JAG2: variants seen among roughly 807,000 people sequenced by gnomAD.
The protein encoded by JAG2 is protein jagged-2.
JAG2 carries 46 observed loss-of-function variants against 141.7 expected under a neutral mutation model. The ratio of observed to expected loss-of-function variants is 0.32; its 90% confidence interval spans 0.26 to 0.42. JAG2 has a LOEUF of 0.42. Among genes scored for constraint, JAG2 ranks in the 10% least tolerant of loss-of-function variants. JAG2 has a pLI of 1.00. For synonymous variants in JAG2, 862 were observed against 763.5 expected, an observed-to-expected ratio of 1.13 and a Z score of -2.13; for missense variants, 1,500 against 1,817.5, an observed-to-expected ratio of 0.83 and a Z score of 3.18.
chr14:105,155,415 G>C (rs1318427415), intron 5 of JAG2, 147 bp downstream of exon 5: 2 of 868,650 alleles, frequency 2.3e-6, no homozygotes, highest in African/African-American at 3.3e-5. Context: ...GCACTAAGGA[G>C]CCTCCCGAGC....
intron 15 of JAG2, 28 bp from the exon 16 acceptor site, chr14:105,148,467 C>A (rs200852971): frequency 2.1e-6 from 3 of 1,403,920 alleles, no homozygotes; most frequent in South Asian, 2.4e-5. Context: ...GGTCAGCGGG[C>A]GGGGGGTCAC....
At chr14:105,158,728 G>A (rs587757896) in intron 2 of JAG2, among the ~76,000 whole-genome samples, 1 of 152,078 alleles carries the variant, frequency 6.6e-6, no homozygotes, top group Non-Finnish European at 1.5e-5. Flanking sequence ...TGACCCCTGA[G>A]CCCAGCCCTG....
intron 2 of JAG2, among the ~76,000 whole-genome samples, chr14:105,161,247 G>A (rs1888739294): frequency 6.6e-6 from 1 of 152,024 alleles, no homozygotes; most frequent in Non-Finnish European, 1.5e-5. Context: ...TGAGGACTGG[G>A]ACCCACCAGG....
rs1888290873 is a variant in JAG2, at chr14:105,148,194, C to T, written c.2170G>A (p.Gly724Ser). 5 of 1,554,798 alleles carry T rather than the reference C, an allele frequency of 3.2e-6. No homozygotes were observed. The highest frequency in any genetic ancestry group is 1.9e-5 in the Admixed American group (1 of 51,442). Residue 724 changes from glycine to serine, a missense_variant, in exon 17 of 26, where the codon GGT (glycine) becomes AGT (serine). Gly to Ser is a moderately conservative substitution (Grantham distance 56). Coordinates refer to ENST00000331782, the MANE Select transcript of JAG2 (RefSeq NM_002226.5). Reference protein sequence around the residue: ...FQCDAYTCSNGGTCYDSGDTF... With the variant: ...FQCDAYTCSNSGTCYDSGDTF... ...TCGCCGCTGTCGTAGCAGGTGCCAC[C>T]GTTGCTGCAGGTGTAGGCATCGCAC...
intron 8 of JAG2, 51 bp downstream of exon 8, chr14:105,151,575 G>C (rs1380711959): frequency 1.4e-6 from 2 of 1,474,050 alleles, no homozygotes; most frequent in Non-Finnish European, 1.9e-6. Context: ...CCCACTCCCA[G>C]ACCCCCACTG....
At chr14:105,143,414 C>A (rs1736218740) in intron 25 of JAG2, 68 bp downstream of exon 25, 1 of 1,512,830 alleles carries the variant, frequency 6.6e-7, no homozygotes, top group Admixed American at 2.0e-5. Context: ...GCAGGATCGG[C>A]CGGCTCTGTG....
Position 105,167,747 on chromosome 14 carries a change from G to A in JAG2, c.417+10C>T. ...GAAGGGCTGGAGCACGAGGGATGGA[G>A]CGCACGTACCGGCCAGGCGAACTGG... On this transcript the variant is annotated intron_variant, in intron 2 of 25. Coordinates refer to ENST00000331782, the MANE Select transcript of JAG2 (RefSeq NM_002226.5). This position sits in a 1 kb window ranked among gnomAD's most constrained non-coding sequence, Gnocchi z 4.8. The A allele has an allele frequency of 6.9e-7, 1 of 1,454,068 alleles. No homozygotes were observed. The highest frequency in any genetic ancestry group is 9.0e-7 in the Non-Finnish European group (1 of 1,105,078). The allele number at this position is 1,454,068 out of a possible 1,614,324, so 90.1% of individuals were successfully genotyped here.
chr14:105,164,839 T>C (rs1888862472), intron 2 of JAG2, among the ~76,000 whole-genome samples: 2 of 152,148 alleles, frequency 1.3e-5, no homozygotes, highest in South Asian at 4.1e-4. Context: ...AAAGCGGCAG[T>C]GTGCCCCTTT....
At chr14:105,147,279 C>A (rs1051849463) in intron 20 of JAG2, 47 bp downstream of exon 20, 1 of 1,458,126 alleles carries the variant, frequency 6.9e-7, no homozygotes, top group South Asian at 1.2e-5. Flanking sequence ...CCTGACACCG[C>A]GGCTGGGCTG....
rs1888439774 is a variant in JAG2, at chr14:105,151,755, G to A, written c.1040-16C>T. ...GCGTGCTCAGCTGTAGAACCGCGGG[G>A]AGGGGGCAGAGCTGGCAGCCAGGCC... On this transcript the variant is annotated splice_polypyrimidine_tract_variant and intron_variant, in intron 7 of 25. Transcript: ENST00000331782. 8 of 1,604,418 alleles carry A rather than the reference G, an allele frequency of 5.0e-6. No individual in the cohort carries two copies.
chr14:105,163,906 G>A (rs1422167985), intron 2 of JAG2, among the ~76,000 whole-genome samples: 3 of 152,204 alleles, frequency 2.0e-5, no homozygotes, highest in East Asian at 3.9e-4. Context: ...CTGTGGCTGG[G>A]GCCTGGGATT....
chr14:105,153,174 C>T (rs587750981), intron 5 of JAG2, among the ~76,000 whole-genome samples: 1 of 152,318 alleles, frequency 6.6e-6, no homozygotes, highest in East Asian at 1.9e-4. Context: ...CACCGGCACC[C>T]GCCACACTTT....
At position 105,147,823 on chromosome 14, in the gene JAG2, A is replaced by C. The variant is rs1888275187; in HGVS notation, c.2314T>G (p.Ser772Ala). 6.5e-7 allele frequency: 1 copy of C among 1,550,168 alleles called. No individual in the cohort carries two copies. The highest frequency in any genetic ancestry group is 8.7e-7 in the Non-Finnish European group (1 of 1,147,758). The change falls in exon 18 of 26, where the codon TCC becomes GCC. Residue 772 changes from serine (S) to alanine (A), a missense_variant. Physicochemically the swap from Ser to Ala is moderately conservative, Grantham distance 99. Around this residue, in one of 3 missense-constraint regions of JAG2, gnomAD observed 875 missense variants for 1,202.2 expected, o/e 0.73. Coordinates refer to ENST00000331782, the MANE Select transcript of JAG2 (RefSeq NM_002226.5). ...NGGTCVGSGASFSCICRDGWE... is the reference protein window; with the variant it reads ...NGGTCVGSGAAFSCICRDGWE... Reference sequence around the variant, plus strand: ...CCGTCCCGGCAGATGCAGGAGAAGGAGGCCCCGCTGCCCACGCAGGTGCCA... The same window carrying C: ...CCGTCCCGGCAGATGCAGGAGAAGGCGGCCCCGCTGCCCACGCAGGTGCCA...
chr14:105,149,106 A>G lies in JAG2; in HGVS notation c.1754-17T>C. On this transcript the variant is annotated splice_polypyrimidine_tract_variant and intron_variant, in intron 13 of 25. Coordinates refer to ENST00000331782, the MANE Select transcript of JAG2 (RefSeq NM_002226.5). ...CATCGATCACTATGGCAGGCAGTAC[A>G]GTCAGGAGTCAGGCCCGCCCCTGCC... is the stretch of plus-strand genomic sequence containing the variant. 1.2e-6 allele frequency: 2 copies of G among 1,602,788 alleles called. No homozygotes were observed. Among genetic ancestry groups the G allele is most frequent in the Non-Finnish European group, 1.7e-6 (2 of 1,176,362 alleles).
intron 3 of JAG2, 76 bp downstream of exon 3, chr14:105,157,630 C>T (rs587711721): frequency 2.3e-6 from 3 of 1,309,038 alleles, no homozygotes; most frequent in South Asian, 2.5e-5. Flanking sequence ...TTGTCCCAAG[C>T]AGACAGAGGA....
intron 4 of JAG2, 27 bp downstream of exon 4, chr14:105,155,711 C>T (rs779563133): frequency 1.2e-6 from 2 of 1,612,588 alleles, no homozygotes; most frequent in Non-Finnish European, 1.7e-6. Context: ...CCTCCCTGCC[C>T]TCCACGCAGC....
rs1407291470 is a variant in JAG2, at chr14:105,148,147, G to C, written c.2217C>G (p.Pro739=). 6.5e-7 allele frequency: 1 copy of C among 1,550,012 alleles called. No individual in the cohort carries two copies. The highest frequency in any genetic ancestry group is 1.2e-5 in the South Asian group (1 of 84,094). The part of the protein sequence containing the change: ...DSGDTFRCAC[P]PGWKGSTCAV... ...CGCAGGTGCTGCCCTTCCAGCCGGG[G>C]GGGCAGGCGCAGCGGAAGGTGTCGC... Residue 739 remains proline (P), a synonymous_variant, in exon 17 of 26, where the codon CCC becomes CCG. Coordinates refer to ENST00000331782, the MANE Select transcript of JAG2 (RefSeq NM_002226.5).
rs1382851629 is a variant in JAG2, at chr14:105,154,198, C to T, written c.788+1364G>A. The stretch of plus-strand genomic sequence containing the variant: ...CCCGACTCCTCTCCAAAACGCCACG[C>T]TGTGTGACCCTGGGGAAATCAGTAG... On this transcript the variant is annotated intron_variant, in intron 5 of 25. Coordinates refer to ENST00000331782, the MANE Select transcript of JAG2 (RefSeq NM_002226.5). This position sits in a 1 kb window ranked among gnomAD's most constrained non-coding sequence, Gnocchi z 4.4. Among the ~76,000 whole-genome samples the T allele has an allele frequency of 6.6e-6, 1 of 152,210 alleles. No individual in the cohort carries two copies.
At position 105,155,555 on chromosome 14, in the gene JAG2, C is replaced by T; in HGVS notation, c.788+7G>A. ...GGAGGGCAAAGACGGGCCGGCGGCA[C>T]ACTCACCTGCACTCCCCAGGCACGG... On this transcript the variant is annotated splice_region_variant and intron_variant, in intron 5 of 25. Coordinates refer to ENST00000331782, the MANE Select transcript of JAG2 (RefSeq NM_002226.5). 1 of 1,612,842 alleles carries T rather than the reference C, an allele frequency of 6.2e-7. No individual in the cohort carries two copies. Among genetic ancestry groups the T allele is most frequent in the Non-Finnish European group, 8.5e-7 (1 of 1,179,960 alleles).
Sources: allele counts gnomAD v4.1 joint callset (sites outside exome capture counted in the v4.1 genomes callset), GRCh38; gene constraint gnomAD v4.1.1; regional missense constraint gnomAD v4.1.1; non-coding constraint Gnocchi (gnomAD v3.1); transcripts MANE v1.5; gene names NCBI Gene and HGNC (gene_info 2026-07-23, HGNC 2026-07-21).